The following CTNNA3 variants were observed in gnomAD, a reference collection of about 807,000 sequenced individuals.
CTNNA3 encodes the protein catenin alpha 3, also known as catenin alpha-3.
In CTNNA3, 76 loss-of-function variants were observed where a neutral mutation model predicts 95.7. That is an observed-to-expected ratio of 0.79 (90% CI 0.66 to 0.96). The LOEUF is 0.96. Ranked by LOEUF, CTNNA3 falls within the 40% of genes least tolerant of loss-of-function variation. The probability of loss-of-function intolerance (pLI) is 0.00; values close to 1 mark genes in which losing one functional copy is unlikely to be tolerated. For missense variants in CTNNA3, 1,191 were observed against 1,089.8 expected (o/e 1.09, Z -1.31); for synonymous variants, 431 against 374.4 (o/e 1.15, Z -1.74).
In CTNNA3 at chr10:67,645,896, G is replaced by A. The variant is rs372247154; in HGVS notation, c.99+1519C>T. Among the ~76,000 whole-genome samples, 29 of 148,546 alleles carry A rather than the reference G, an allele frequency of 2.0e-4. No homozygotes were observed. In the South Asian group the frequency reaches 6.0e-3, roughly 31 times the overall value. ...AAATGGAAAAGTGGGATTAAACCCTGCATATATAGTACTAGCTCCACTTGT... is the reference window on the plus strand; with the variant it reads ...AAATGGAAAAGTGGGATTAAACCCTACATATATAGTACTAGCTCCACTTGT... On this transcript the variant is annotated intron_variant, in intron 2 of 17. Coordinates refer to ENST00000433211, the MANE Select transcript of CTNNA3 (RefSeq NM_013266.4).
At chr10:67,732,769 T>C (rs1841282622) in intron 1 of CTNNA3, among the ~76,000 whole-genome samples, 1 of 152,194 alleles carries the variant, frequency 6.6e-6, no homozygotes, top group South Asian at 2.1e-4. Flanking sequence ...CATTTGTCCA[T>C]GTAAGCCTAT....
intron 5 of CTNNA3, among the ~76,000 whole-genome samples, chr10:67,297,182 G>A (rs1325199729): frequency 6.6e-6 from 1 of 152,104 alleles, no homozygotes; most frequent in Non-Finnish European, 1.5e-5. Flanking sequence ...CCTGAAAACT[G>A]AGTGTCCCAT....
chr10:67,287,956 C>A (rs540790523), intron 5 of CTNNA3, among the ~76,000 whole-genome samples: 3 of 152,248 alleles, frequency 2.0e-5, no homozygotes, highest in Admixed American at 1.3e-4. Context: ...GTCAATTTAG[C>A]CCCTTCTCTA....
rs1589314835 is a variant in CTNNA3 at position 66,838,587 on chromosome 10, T to G, written c.1048-63063A>C. ...ATAAAATGCCTTCATCAGTTAGAGA[T>G]AACTATCATAGGCTTGGACAGCATA... On this transcript the variant is annotated intron_variant, in intron 7 of 17. Coordinates refer to ENST00000433211, the MANE Select transcript of CTNNA3 (RefSeq NM_013266.4). 3.9e-5 allele frequency among the ~76,000 whole-genome samples: 6 copies of G among 152,248 alleles called. 1 individual carries two copies. The highest frequency in any genetic ancestry group is 3.9e-4 in the Admixed American group (6 of 15,284).
In CTNNA3 at chr10:66,383,251, A is replaced by G. The variant is rs959296890; in HGVS notation, c.1532-3899T>C. Among the ~76,000 whole-genome samples, 12 of 152,320 alleles carry G rather than the reference A, an allele frequency of 7.9e-5. 1 individual carries two copies. The highest frequency in any genetic ancestry group is 1.9e-4 in the African/African-American group (8 of 41,582). ...ATAAACAGTGTAGAGAAGATCTTCA[A>G]TGACCTGATGGAGCTGAAAACCATG... On this transcript the variant is annotated intron_variant, in intron 11 of 17. Coordinates refer to ENST00000433211, the MANE Select transcript of CTNNA3 (RefSeq NM_013266.4).
intron 13 of CTNNA3, among the ~76,000 whole-genome samples, chr10:66,171,218 C>T (rs567525505): frequency 2.0e-5 from 3 of 151,644 alleles, no homozygotes; most frequent in East Asian, 1.9e-4. Flanking sequence ...GTAAATTAGG[C>T]TAATCTTAAT....
intron 7 of CTNNA3, among the ~76,000 whole-genome samples, chr10:67,171,312 C>T (rs543631551): frequency 2.1e-4 from 32 of 152,254 alleles, no homozygotes; most frequent in East Asian, 7.7e-4. Flanking sequence ...CAGTGGCTCA[C>T]GCCCATAATC....
chr10:67,269,807 C>A (rs1838883471), intron 5 of CTNNA3, among the ~76,000 whole-genome samples: 1 of 152,030 alleles, frequency 6.6e-6, no homozygotes, highest in Non-Finnish European at 1.5e-5. Context: ...CCTTTTATAT[C>A]AATAAATGAG....
intron 17 of CTNNA3, among the ~76,000 whole-genome samples, chr10:65,954,101 C>T (rs1166234083): frequency 6.6e-6 from 1 of 152,186 alleles, no homozygotes; most frequent in Non-Finnish European, 1.5e-5. Flanking sequence ...GATGGTATCT[C>T]ACTGTGGTTT....
At chr10:65,943,896 C>T (rs1218331794) in intron 17 of CTNNA3, among the ~76,000 whole-genome samples, 1 of 152,168 alleles carries the variant, frequency 6.6e-6, no homozygotes, top group Non-Finnish European at 1.5e-5. Context: ...TAAAACATAG[C>T]ACCTTACAGA....
At chr10:67,335,175 T>A (rs1435082845) in intron 5 of CTNNA3, among the ~76,000 whole-genome samples, 1 of 152,106 alleles carries the variant, frequency 6.6e-6, no homozygotes, top group African/African-American at 2.4e-5. Context: ...CCCAAAGATG[T>A]CCACATTAGA....
At chr10:66,965,817 AT>A (rs1234168430) in intron 7 of CTNNA3, among the ~76,000 whole-genome samples, 3 of 152,018 alleles carry the variant, frequency 2.0e-5, no homozygotes, top group Non-Finnish European at 2.9e-5. Flanking sequence ...CAGCATGCAG[AT>A]TTTTTTTCTA....
intron 5 of CTNNA3, among the ~76,000 whole-genome samples, chr10:67,387,045 G>T (rs544686169): frequency 6.6e-6 from 1 of 152,164 alleles, no homozygotes; most frequent in South Asian, 2.1e-4. Context: ...CCCGTTAGTT[G>T]AGGGAGGACC....
At chr10:66,806,237 T>C (rs1054204032) in intron 7 of CTNNA3, among the ~76,000 whole-genome samples, 2 of 149,968 alleles carry the variant, frequency 1.3e-5, no homozygotes, top group African/African-American at 4.9e-5. Flanking sequence ...CACATAGTAT[T>C]TACTGTGTGC....
intron 9 of CTNNA3, among the ~76,000 whole-genome samples, chr10:66,737,923 C>T (rs1589193014): frequency 6.6e-6 from 1 of 152,300 alleles, no homozygotes; most frequent in East Asian, 1.9e-4. Flanking sequence ...TCCCAAAGTG[C>T]TGGGATTACA....
chr10:67,081,801 T>G (rs1038058906), intron 7 of CTNNA3, among the ~76,000 whole-genome samples: 1 of 152,082 alleles, frequency 6.6e-6, no homozygotes, highest in Non-Finnish European at 1.5e-5. Context: ...AGCTCAAGAG[T>G]CTCCCCTCTG....
chr10:66,047,217 G>A (rs2079846890), intron 15 of CTNNA3, among the ~76,000 whole-genome samples: 2 of 152,232 alleles, frequency 1.3e-5, no homozygotes, highest in South Asian at 2.1e-4. Context: ...GAACATTGAT[G>A]AAAAAATCCT....
chr10:67,337,975 G>A (rs556775517), intron 5 of CTNNA3, among the ~76,000 whole-genome samples: 1 of 152,206 alleles, frequency 6.6e-6, no homozygotes, highest in African/African-American at 2.4e-5. Context: ...GCAGTAGTCT[G>A]AAATAAAACA....
chr10:66,087,213 C>G (rs1182122957), intron 14 of CTNNA3, among the ~76,000 whole-genome samples: 1 of 152,072 alleles, frequency 6.6e-6, no homozygotes, highest in Non-Finnish European at 1.5e-5. Flanking sequence ...CCTCAAGCCC[C>G]TCTATAAAGT....
Sources: gnomAD v4.1 joint callset for allele counts (sites outside exome capture counted in the v4.1 genomes callset) on GRCh38, gnomAD v4.1.1 for gene constraint, MANE v1.5 for transcripts, NCBI Gene and HGNC (gene_info 2026-07-23, HGNC 2026-07-21) for gene names.